TMEM117: variants seen among roughly 807,000 people sequenced by gnomAD.
The protein encoded by TMEM117 is transmembrane protein 117.
In TMEM117, 27 loss-of-function variants were observed where a neutral mutation model predicts 52.4. The ratio of observed to expected loss-of-function variants is 0.51; its 90% confidence interval spans 0.38 to 0.71. TMEM117 has a LOEUF of 0.71. Among genes scored for constraint, TMEM117 ranks in the 30% least tolerant of loss-of-function variants. The pLI, the probability that TMEM117 is intolerant of heterozygous loss-of-function variation, is 0.00. For synonymous variants in TMEM117, 215 were observed against 206.3 expected (o/e 1.04, Z -0.36); for missense variants, 556 against 630.5 (o/e 0.88, Z 1.26).
intron 3 of TMEM117, among the ~76,000 whole-genome samples, chr12:44,068,636 T>G (rs2137975443): frequency 6.6e-6 from 1 of 152,328 alleles, no homozygotes; most frequent in South Asian, 2.1e-4. Context: ...AGGTGTGGTT[T>G]GTGGTGCTCC....
intron 3 of TMEM117, among the ~76,000 whole-genome samples, chr12:44,084,841 C>A (rs961431656): frequency 6.6e-6 from 1 of 152,154 alleles, no homozygotes; most frequent in African/African-American, 2.4e-5. Context: ...ACCATCAGAC[C>A]AGTGCTCCCC....
intron 6 of TMEM117, among the ~76,000 whole-genome samples, chr12:44,347,686 C>G (rs1951506660): frequency 6.6e-6 from 1 of 151,984 alleles, no homozygotes; most frequent in South Asian, 2.1e-4. Context: ...TGCTTACTAA[C>G]AGAGGTGATT....
intron 3 of TMEM117, among the ~76,000 whole-genome samples, chr12:44,063,775 A>G (rs1160001185): frequency 6.6e-6 from 1 of 151,980 alleles, no homozygotes; most frequent in Non-Finnish European, 1.5e-5. Context: ...TACTAAGAAG[A>G]TGTTATAAAG....
intron 3 of TMEM117, among the ~76,000 whole-genome samples, chr12:43,998,688 A>T (rs1275668182): frequency 6.6e-6 from 1 of 152,238 alleles, no homozygotes; most frequent in Admixed American, 6.5e-5. Context: ...GAACTCCAAC[A>T]GCACTAATAA....
chr12:43,969,171 T>C (rs1371487948), intron 3 of TMEM117, among the ~76,000 whole-genome samples: 1 of 151,828 alleles, frequency 6.6e-6, no homozygotes, highest in African/African-American at 2.4e-5. Flanking sequence ...AGCAAAATAT[T>C]GTTTGTGATA....
chr12:44,035,872 G>A (rs955647508), intron 3 of TMEM117, among the ~76,000 whole-genome samples: 1 of 152,212 alleles, frequency 6.6e-6, no homozygotes, highest in Non-Finnish European at 1.5e-5. Flanking sequence ...CACACCTGAA[G>A]AGAAAGGAAG....
chr12:44,299,596 C>G lies in TMEM117; in HGVS notation c.625C>G (p.Leu209Val). 6.2e-7 allele frequency: 1 copy of G among 1,614,154 alleles called. No homozygotes were observed. The highest frequency in any genetic ancestry group is 8.5e-7 in the Non-Finnish European group (1 of 1,180,004). The stretch of plus-strand genomic sequence containing the variant: ...TCCTTACAGGACAGTTCTTTTTACT[C>G]TGACGTCTGTGGTTGTACTTGTGAT... ...ITLFWTVLFT[L>V]TSVVVLVITT... Residue 209 changes from leucine (L) to valine (V), a missense_variant, in exon 6 of 8, where the codon CTG (leucine) becomes GTG (valine). Around this residue, in one of 3 missense-constraint regions of TMEM117, gnomAD observed 328 missense variants for 371.4 expected, o/e 0.88. Coordinates refer to ENST00000266534, the MANE Select transcript of TMEM117 (RefSeq NM_032256.3).
At chr12:43,929,039 G>A (rs1592370961) in intron 2 of TMEM117, among the ~76,000 whole-genome samples, 1 of 151,502 alleles carries the variant, frequency 6.6e-6, no homozygotes, top group Non-Finnish European at 1.5e-5. Context: ...ATTGTGAATA[G>A]TGCCACAATA....
the TMEM117 span, among the ~76,000 whole-genome samples, chr12:43,821,918 G>A: frequency 3.3e-5 from 5 of 152,196 alleles, no homozygotes; most frequent in African/African-American, 1.2e-4. Context: ...TTTCTAAGGT[G>A]TCAGCCATGA....
chr12:44,234,452 T>C (rs572522391), intron 5 of TMEM117, among the ~76,000 whole-genome samples: 1 of 151,520 alleles, frequency 6.6e-6, no homozygotes. Context: ...ATGGCTTTTT[T>C]ATCATTCATT....
At chr12:44,004,232 AAC>A (rs1180289543) in intron 3 of TMEM117, among the ~76,000 whole-genome samples, 1 of 151,970 alleles carries the variant, frequency 6.6e-6, no homozygotes, top group African/African-American at 2.4e-5. Flanking sequence ...CAGGGATTAT[AAC>A]AGGGGTAAGC....
intron 3 of TMEM117, among the ~76,000 whole-genome samples, chr12:44,070,990 T>C (rs1167815898): frequency 6.6e-6 from 1 of 152,202 alleles, no homozygotes; most frequent in Non-Finnish European, 1.5e-5. Context: ...AGTGGAAAAG[T>C]TCCTGAGAAT....
intron 3 of TMEM117, among the ~76,000 whole-genome samples, chr12:43,983,198 C>T (rs1237019473): frequency 6.6e-6 from 1 of 152,116 alleles, no homozygotes; most frequent in Admixed American, 6.6e-5. Flanking sequence ...GACTACAAGT[C>T]TCTGGTAGGC....
chr12:43,886,714 A>G (rs1944000868), intron 2 of TMEM117, among the ~76,000 whole-genome samples: 1 of 152,064 alleles, frequency 6.6e-6, no homozygotes, highest in Non-Finnish European at 1.5e-5. Context: ...TTTATTGTAC[A>G]CGTTATTTCA....
At chr12:44,252,925 G>T (rs1277521125) in intron 5 of TMEM117, among the ~76,000 whole-genome samples, 1 of 152,162 alleles carries the variant, frequency 6.6e-6, no homozygotes, top group Admixed American at 6.5e-5. Context: ...TTTAATGGTT[G>T]TGGTTATTAA....
At chr12:44,029,200 A>C (rs1047597448) in intron 3 of TMEM117, among the ~76,000 whole-genome samples, 2 of 152,146 alleles carry the variant, frequency 1.3e-5, no homozygotes, top group African/African-American at 2.4e-5. Flanking sequence ...GGAGGGTTGG[A>C]GTTCCTTCTA....
chr12:43,937,027 C>T (rs889498770), intron 2 of TMEM117, among the ~76,000 whole-genome samples: 1 of 151,994 alleles, frequency 6.6e-6, no homozygotes, highest in Non-Finnish European at 1.5e-5. Context: ...TGGACCAAGT[C>T]CCCCAAGAGA....
At chr12:44,299,372 A>T (rs1177981246) in intron 5 of TMEM117, among the ~76,000 whole-genome samples, 1 of 152,120 alleles carries the variant, frequency 6.6e-6, no homozygotes, top group African/African-American at 2.4e-5. Context: ...ACCTCAGGTG[A>T]TCCACCTGCC....
the TMEM117 span, among the ~76,000 whole-genome samples, chr12:43,812,089 A>G: frequency 6.6e-6 from 1 of 152,228 alleles, no homozygotes; most frequent in Non-Finnish European, 1.5e-5. Flanking sequence ...GCAAAAAAAA[A>G]AAGTTTAAGA....
Sources: allele counts gnomAD v4.1 joint callset (sites outside exome capture counted in the v4.1 genomes callset), GRCh38; gene constraint gnomAD v4.1.1; regional missense constraint gnomAD v4.1.1; transcripts MANE v1.5; gene names NCBI Gene and HGNC (gene_info 2026-07-23, HGNC 2026-07-21).